RTL4: variants seen among roughly 807,000 people sequenced by gnomAD.
RTL4 encodes the protein retrotransposon Gag like 4, also known as retrotransposon Gag-like protein 4.
In RTL4, 4 loss-of-function variants were observed where a neutral mutation model predicts 5.3. The ratio of observed to expected loss-of-function variants is 0.75; its 90% CI spans 0.37 to 1.72. The LOEUF (loss-of-function observed/expected upper bound fraction) is 1.72, where lower values mean the gene tolerates loss of function less well. RTL4 is among the 40% of genes most tolerant of loss of function. RTL4 has a pLI of 0.04. For missense variants in RTL4, 260 were observed against 227.1 expected (o/e 1.14, Z -0.93); for synonymous variants, 98 against 87.3 (o/e 1.12, Z -0.68).
the RTL4 span, among the ~76,000 whole-genome samples, chrX:112,162,902 A>G: frequency 8.9e-6 from 1 of 111,946 alleles, no homozygotes; most frequent in Non-Finnish European, 1.9e-5. Flanking sequence ...TACCAGAGAA[A>G]GGAGATGAAT....
At chrX:112,400,818 C>A in the RTL4 span, among the ~76,000 whole-genome samples, 4 of 111,714 alleles carry the variant, frequency 3.6e-5, no homozygotes, top group Non-Finnish European at 7.5e-5. Flanking sequence ...GGACACTGTG[C>A]AAATCTCTAT....
chrX:112,264,755 A>G, the RTL4 span, among the ~76,000 whole-genome samples: 1 of 111,817 alleles, frequency 8.9e-6, no homozygotes, highest in African/African-American at 3.3e-5. Context: ...AGAGAGGTGA[A>G]TGCAGAAGGG....
At chrX:112,239,827 A>C in the RTL4 span, among the ~76,000 whole-genome samples, 1 of 112,137 alleles carries the variant, frequency 8.9e-6, no homozygotes, top group East Asian at 2.8e-4. Flanking sequence ...TGTATACTAC[A>C]ATTAAACATG....
chrX:112,094,550 C>T, the RTL4 span, among the ~76,000 whole-genome samples: 1 of 110,246 alleles, frequency 9.1e-6, no homozygotes, highest in Non-Finnish European at 1.9e-5. Context: ...AATTATATCA[C>T]CTAGGGAGAG....
the RTL4 span, among the ~76,000 whole-genome samples, chrX:112,280,417 C>T: frequency 9.0e-6 from 1 of 111,564 alleles, no homozygotes; most frequent in South Asian, 3.8e-4. Flanking sequence ...CAGCGGTATG[C>T]AATATACACA....
the RTL4 span, among the ~76,000 whole-genome samples, chrX:112,403,074 G>A: frequency 8.9e-6 from 1 of 111,763 alleles, no homozygotes; most frequent in African/African-American, 3.3e-5. Context: ...GGCTTCTGAA[G>A]TAGTGAAATG....
the RTL4 span, among the ~76,000 whole-genome samples, chrX:112,161,875 TTCTTTC>T: frequency 2.3e-4 from 10 of 42,592 alleles, no homozygotes; most frequent in Admixed American, 4.1e-4. Context: ...CTTTCTTTCC[TTCTTTC>T]TTCTTTCTTT....
At chrX:112,282,280 A>C in the RTL4 span, among the ~76,000 whole-genome samples, 1 of 112,053 alleles carries the variant, frequency 8.9e-6, no homozygotes, top group African/African-American at 3.2e-5. Context: ...CTTTGTTAAA[A>C]ATCAATTGAC....
the RTL4 span, among the ~76,000 whole-genome samples, chrX:112,096,266 C>T: frequency 2.7e-5 from 3 of 112,137 alleles, no homozygotes; most frequent in Non-Finnish European, 5.6e-5. Context: ...AACTGCCACA[C>T]AATTGCCAAT....
the RTL4 span, among the ~76,000 whole-genome samples, chrX:112,256,569 G>A: frequency 8.1e-5 from 9 of 111,783 alleles, no homozygotes; most frequent in East Asian, 2.8e-4. Flanking sequence ...CATTTTGTTC[G>A]AATTGTATTG....
the RTL4 span, among the ~76,000 whole-genome samples, chrX:112,296,614 T>C: frequency 5.9e-5 from 4 of 67,722 alleles, no homozygotes; most frequent in African/African-American, 1.9e-4. Flanking sequence ...TTTTCTTCTT[T>C]TTTTTTTTTT....
the RTL4 span, among the ~76,000 whole-genome samples, chrX:112,198,833 C>A: frequency 9.0e-6 from 1 of 110,739 alleles, no homozygotes; most frequent in Non-Finnish European, 1.9e-5. Flanking sequence ...TGGAGAAATG[C>A]GGAGTGTCAT....
At chrX:112,152,221 G>T in the RTL4 span, among the ~76,000 whole-genome samples, 1 of 111,813 alleles carries the variant, frequency 8.9e-6, no homozygotes, top group African/African-American at 3.2e-5. Flanking sequence ...TTGGGCTGAG[G>T]TAGGAATGAA....
At chrX:112,116,692 T>C in the RTL4 span, among the ~76,000 whole-genome samples, 1 of 111,496 alleles carries the variant, frequency 9.0e-6, no homozygotes, top group East Asian at 2.8e-4. Flanking sequence ...AGAGTGCTGA[T>C]TGGTCCATTT....
the RTL4 span, among the ~76,000 whole-genome samples, chrX:112,235,246 A>G: frequency 8.9e-6 from 1 of 111,819 alleles, no homozygotes; most frequent in African/African-American, 3.3e-5. Flanking sequence ...AAAATGGCAA[A>G]TAGCTACCCT....
At chrX:112,396,601 C>T in the RTL4 span, among the ~76,000 whole-genome samples, 3 of 110,689 alleles carry the variant, frequency 2.7e-5, no homozygotes, top group South Asian at 7.7e-4. Flanking sequence ...CATATTATAT[C>T]CCCCCCACCC....
At chrX:112,201,973 T>TTGTGTGTGTGTGTGTGTGTG in the RTL4 span, among the ~76,000 whole-genome samples, 9 of 103,399 alleles carry the variant, frequency 8.7e-5, no homozygotes, top group African/African-American at 3.2e-4. Context: ...TTGTGTGTGT[T>TTGTGTGTGTGTGTGTGTGTG]TGTGTGTGTG....
At chrX:112,350,461 C>G in the RTL4 span, among the ~76,000 whole-genome samples, 31 of 109,943 alleles carry the variant, frequency 2.8e-4, no homozygotes, top group Non-Finnish European at 4.8e-4. Context: ...CCTTGTACCT[C>G]TGGTAGAATT....
At chrX:112,140,910 G>A in the RTL4 span, among the ~76,000 whole-genome samples, 1 of 112,338 alleles carries the variant, frequency 8.9e-6, no homozygotes, top group East Asian at 2.8e-4. Context: ...CAGAATAGCT[G>A]TAGCCAAGTT....
Sources: allele counts gnomAD v4.1 joint callset (sites outside exome capture counted in the v4.1 genomes callset), GRCh38; gene constraint gnomAD v4.1.1; transcripts MANE v1.5; gene names NCBI Gene and HGNC (gene_info 2026-07-23, HGNC 2026-07-21).